DHX38: variants seen among roughly 807,000 people sequenced by gnomAD.
DHX38 encodes pre-mRNA-splicing factor ATP-dependent RNA helicase PRP16.
Under a neutral mutation model 153.1 loss-of-function variants are expected in DHX38, and 100 were observed. The observed-to-expected ratio is 0.65, with a 90% CI of 0.56 to 0.77. The LOEUF (loss-of-function observed/expected upper bound fraction) is 0.77. Among genes scored for constraint, DHX38 ranks in the 30% least tolerant of loss-of-function variants. The pLI, the probability that DHX38 is intolerant of heterozygous loss-of-function variation, is 0.00. For missense variants in DHX38, 1,440 were observed against 1,654.0 expected (o/e 0.87, Z 2.24); for synonymous variants, 650 against 631.7 (o/e 1.03, Z -0.43).
In DHX38 at chr16:72,105,503, A is replaced by G. The variant is rs1280712650; in HGVS notation, c.2380-14A>G. The G allele has an allele frequency of 4.3e-6, 7 of 1,613,928 alleles. No homozygotes were observed. The highest frequency in any genetic ancestry group is 3.3e-5 in the Admixed American group (2 of 59,998). ...GAGGGACTCATTTTTCCCTTCCTGT[A>G]TGTCCTGCTCTAGGCTCCAGATGGC... On this transcript the variant is annotated splice_polypyrimidine_tract_variant and intron_variant, in intron 17 of 26. Coordinates refer to ENST00000268482, the MANE Select transcript of DHX38 (RefSeq NM_014003.4).
intron 2 of DHX38, 55 bp from the exon 3 acceptor site, chr16:72,096,767 G>C (rs528398566): frequency 6.4e-7 from 1 of 1,555,148 alleles, no homozygotes; most frequent in East Asian, 2.3e-5. Context: ...AAAGGTTTTA[G>C]GGCAGAGTTT....
At chr16:72,099,359 T>C (rs2042066354) in intron 7 of DHX38, 79 bp downstream of exon 7, 1 of 1,323,428 alleles carries the variant, frequency 7.6e-7, no homozygotes, top group Non-Finnish European at 1.0e-6. Context: ...AGGACTGGGC[T>C]TTGATGAGGG....
At chr16:72,108,108 C>T in intron 21 of DHX38, 119 bp from the exon 22 acceptor site, 2 of 1,206,628 alleles carry the variant, frequency 1.7e-6, no homozygotes, top group Non-Finnish European at 2.3e-6. Flanking sequence ...GTCAGGGCAA[C>T]CTATTGACAT....
chr16:72,106,160 G>A, intron 19 of DHX38, 43 bp downstream of exon 19: 1 of 1,592,170 alleles, frequency 6.3e-7, no homozygotes, highest in Non-Finnish European at 8.6e-7. Flanking sequence ...CAGCGCTGGG[G>A]TTGCTGAGCG....
At chr16:72,097,615 G>A (rs1243244074) in intron 3 of DHX38, 62 bp from the exon 4 acceptor site, 2 of 1,509,984 alleles carry the variant, frequency 1.3e-6, no homozygotes, top group African/African-American at 2.7e-5. Flanking sequence ...TTTCTCTAGG[G>A]TGAAGATGTG....
At chr16:72,109,008 G>T in intron 24 of DHX38, 83 bp downstream of exon 24, 2 of 1,507,976 alleles carry the variant, frequency 1.3e-6, no homozygotes, top group Non-Finnish European at 1.8e-6. Flanking sequence ...TCTGGCATGA[G>T]CTTTTAGCCT....
At position 72,097,805 on chromosome 16, in the gene DHX38, T is replaced by G. The variant is rs1471628627; in HGVS notation, c.616+24T>G. ...AGGTAGACTCACTGTTTTGGTGGCTTGTGAGGATTCAAGTGTATAAAAGGC... is the reference window on the plus strand; with the variant it reads ...AGGTAGACTCACTGTTTTGGTGGCTGGTGAGGATTCAAGTGTATAAAAGGC... On this transcript the variant is annotated intron_variant, in intron 4 of 26. Transcript: ENST00000268482. 5.0e-6 allele frequency: 8 copies of G among 1,600,318 alleles called. No individual in the cohort carries two copies. In the African/African-American group the frequency reaches 9.6e-5, roughly 19 times the overall value.
At chr16:72,110,740 C>CT (rs1439382381) in intron 25 of DHX38, among the ~76,000 whole-genome samples, 1 of 152,300 alleles carries the variant, frequency 6.6e-6, no homozygotes, top group East Asian at 1.9e-4. Flanking sequence ...TGAGGGATGA[C>CT]TGAGTTAGGA....
Position 72,112,593 on chromosome 16 carries a change from G to A in DHX38, c.*96G>A. The A allele has an allele frequency of 1.5e-6, 2 of 1,348,358 alleles. No individual in the cohort carries two copies. The highest frequency in any genetic ancestry group is 2.4e-5 in the South Asian group (2 of 84,402). The allele number at this position is 1,348,358 out of a possible 1,614,324, so 83.5% of individuals were successfully genotyped here. A position where few individuals can be genotyped will look rare whatever the true frequency, so the allele number is the denominator to read the frequency against. Reference sequence around the variant, plus strand: ...TGCGGACAAAGCCCTTTCATCTGAGGACTTTCATCTGTGCATATCACGGCC... The same window carrying A: ...TGCGGACAAAGCCCTTTCATCTGAGAACTTTCATCTGTGCATATCACGGCC... On this transcript the variant is annotated 3_prime_UTR_variant, in exon 27 of 27. Coordinates refer to ENST00000268482, the MANE Select transcript of DHX38 (RefSeq NM_014003.4).
chr16:72,096,102 G>C (rs2042013301), intron 1 of DHX38, 37 bp from the exon 2 acceptor site: 13 of 1,544,842 alleles, frequency 8.4e-6, no homozygotes, highest in Non-Finnish European at 1.1e-5. Context: ...GTAGAGCTGA[G>C]CCTTCTCTAG....
chr16:72,111,270 C>T (rs1053033537), intron 26 of DHX38, among the ~76,000 whole-genome samples, 193 bp downstream of exon 26: 12 of 152,356 alleles, frequency 7.9e-5, no homozygotes, highest in Admixed American at 3.9e-4. Context: ...AAAGGAGCGA[C>T]AGTACACCTG....
At chr16:72,099,667 T>C in intron 7 of DHX38, 65 bp from the exon 8 acceptor site, 4 of 1,591,764 alleles carry the variant, frequency 2.5e-6, no homozygotes, top group Non-Finnish European at 3.4e-6. Flanking sequence ...CTTCTTCTGT[T>C]GGCCATGTCT....
Position 72,101,587 on chromosome 16 carries a change from A to G in DHX38, c.1474A>G (p.Thr492Ala), listed in dbSNP as rs1209014572. Residue 492 changes from threonine (T) to alanine (A), a missense_variant, in exon 11 of 27, where the codon ACG becomes GCG. Around this residue, in one of 6 missense-constraint regions of DHX38, gnomAD observed 241 missense variants for 229.5 expected, o/e 1.05. Coordinates refer to ENST00000268482, the MANE Select transcript of DHX38 (RefSeq NM_014003.4). ...KKEEEPDKAV[T>A]EDGKVDYRTE... ...GGAGGAAGAGCCAGATAAAGCTGTG[A>G]CGGAGGATGGGAAGGTGGACTACAG... is the stretch of plus-strand genomic sequence containing the variant. 1 of 1,551,784 alleles carries G rather than the reference A, an allele frequency of 6.4e-7. No individual in the cohort carries two copies. Among genetic ancestry groups the G allele is most frequent in the Non-Finnish European group, 8.7e-7 (1 of 1,147,124 alleles).
Position 72,104,146 on chromosome 16 carries a change from G to T in DHX38, c.2010+15G>T. 1.2e-6 allele frequency: 2 copies of T among 1,611,662 alleles called. No individual in the cohort carries two copies. The highest frequency in any genetic ancestry group is 1.3e-5 in the African/African-American group (1 of 75,000). On this transcript the variant is annotated intron_variant, in intron 14 of 26. Coordinates refer to ENST00000268482, the MANE Select transcript of DHX38 (RefSeq NM_014003.4). This position sits in a 1 kb window ranked among gnomAD's most constrained non-coding sequence, Gnocchi z 4.5. ...TGCTCCGGGAGGTGAGGGCTGTGTG[G>T]TTTGGTCTCTCTGCGCATGGGGTGT...
At position 72,108,824 on chromosome 16, in the gene DHX38, C is replaced by T; in HGVS notation, c.3280C>T (p.Arg1094Cys). 2 of 1,613,930 alleles carry T rather than the reference C, an allele frequency of 1.2e-6. No individual in the cohort carries two copies. Residue 1094 changes from arginine (R) to cysteine (C), a missense_variant, in exon 24 of 27, where the codon CGC becomes TGC. Physicochemically the swap from Arg to Cys is radical, Grantham distance 180 (BLOSUM62 -3). Transcript: ENST00000268482. Reference sequence around the variant, plus strand: ...GGGAATCGGGGAGTACGTGAACATCCGCACAGGGATGCCCTGCCACTTGCA... The same window carrying T: ...GGGAATCGGGGAGTACGTGAACATCTGCACAGGGATGCCCTGCCACTTGCA... The part of the protein sequence containing the change: ...LKGIGEYVNI[R>C]TGMPCHLHPT...
At chr16:72,097,507 T>A (rs778118262) in intron 3 of DHX38, 170 bp from the exon 4 acceptor site, 2 of 583,908 alleles carry the variant, frequency 3.4e-6, no homozygotes, top group Non-Finnish European at 6.0e-6. Context: ...GTAACTATTT[T>A]TCCCCCTTGG....
intron 26 of DHX38, chr16:72,112,193 C>G (rs1296986893): frequency 8.5e-6 from 5 of 584,882 alleles, no homozygotes; most frequent in Non-Finnish European, 1.5e-5. Flanking sequence ...TTGTTAAAAT[C>G]CGATCTAAAG....
chr16:72,096,787 G>A lies in DHX38; in HGVS notation c.324-35G>A, dbSNP rs367750088. 3.7e-5 allele frequency: 58 copies of A among 1,588,440 alleles called. 1 individual carries two copies. In the African/African-American group the frequency reaches 6.8e-4, roughly 19 times the overall value. On this transcript the variant is annotated intron_variant, in intron 2 of 26. Coordinates refer to ENST00000268482, the MANE Select transcript of DHX38 (RefSeq NM_014003.4). ...TTTTAGGGCAGAGTTTTTCTCCTAT[G>A]GAGGGGCCTTTACCAGTTGCTCTCC...
intron 8 of DHX38, 141 bp downstream of exon 8, chr16:72,100,028 G>C: frequency 8.4e-7 from 1 of 1,187,128 alleles, no homozygotes; most frequent in Non-Finnish European, 1.2e-6. Flanking sequence ...GGTGGAAGAG[G>C]AGTGGGTGAT....
Sources: gnomAD v4.1 joint callset for allele counts (sites outside exome capture counted in the v4.1 genomes callset) on GRCh38, gnomAD v4.1.1 for gene constraint, gnomAD v4.1.1 regional missense constraint, Gnocchi (gnomAD v3.1) non-coding constraint, MANE v1.5 for transcripts, NCBI Gene and HGNC (gene_info 2026-07-23, HGNC 2026-07-21) for gene names.